Variants in RMND5A observed in about 807,000 individuals in gnomAD.
The protein encoded by RMND5A is E3 ubiquitin-protein transferase RMND5A.
Under a neutral mutation model 49.7 loss-of-function variants are expected in RMND5A, and 17 were observed. The observed-to-expected ratio is 0.34, with a 90% confidence interval of 0.23 to 0.51. The LOEUF (loss-of-function observed/expected upper bound fraction) is 0.51, where lower values mean the gene tolerates loss of function less well. Among genes scored for constraint, RMND5A ranks in the 20% least tolerant of loss-of-function variants. RMND5A has a pLI of 0.96. For missense variants in RMND5A, 255 were observed against 471.3 expected (o/e 0.54, Z 4.25); for synonymous variants, 156 against 167.7 (o/e 0.93, Z 0.54).
At chr2:86,750,041 G>T (rs1220738889) in intron 2 of RMND5A, among the ~76,000 whole-genome samples, 1 of 152,198 alleles carries the variant, frequency 6.6e-6, no homozygotes. Context: ...TTAAGCAGTG[G>T]TTGACTAGGA....
chr2:86,762,402 T>C (rs1167695540), intron 4 of RMND5A, among the ~76,000 whole-genome samples: 1 of 152,160 alleles, frequency 6.6e-6, no homozygotes, highest in African/African-American at 2.4e-5. Flanking sequence ...CCCAGCACTT[T>C]GGGAGGCCAA....
chr2:86,743,761 G>A (rs997366765), intron 2 of RMND5A, among the ~76,000 whole-genome samples: 1 of 152,016 alleles, frequency 6.6e-6, no homozygotes, highest in African/African-American at 2.4e-5. Context: ...CGAGGCAGGC[G>A]GATCACCTGA....
rs1408380877 is a variant in RMND5A at position 86,771,594 on chromosome 2, T to A, written c.994T>A (p.Ser332Thr). The A allele has an allele frequency of 6.2e-7, 1 of 1,613,294 alleles. No homozygotes were observed. The highest frequency in any genetic ancestry group is 1.1e-5 in the South Asian group (1 of 91,032). The change falls in exon 8 of 9, where the codon TCT becomes ACT. Residue 332 changes from serine to threonine, a missense_variant. Transcript: ENST00000283632. ...VDLGKKCWYH[S>T]IFACPILRQQ... Reference sequence around the variant, plus strand: ...CCTTGGTAAAAAGTGCTGGTATCACTCTATATTTGCCTGCCCCATTCTTCG... The same window carrying A: ...CCTTGGTAAAAAGTGCTGGTATCACACTATATTTGCCTGCCCCATTCTTCG...
chr2:86,763,029 G>T (rs1672529660), intron 4 of RMND5A, among the ~76,000 whole-genome samples: 1 of 152,102 alleles, frequency 6.6e-6, no homozygotes, highest in African/African-American at 2.4e-5. Flanking sequence ...GGCAACGAAA[G>T]TGAAACCCTT....
chr2:86,762,648 A>AT (rs1672513713), intron 4 of RMND5A, among the ~76,000 whole-genome samples: 1 of 15,152 alleles, frequency 6.6e-5, no homozygotes, highest in African/African-American at 2.3e-4. Context: ...CTGTCTCAAA[A>AT]AAAAAAAATA....
At chr2:86,732,348 AAAATT>A (rs1558718844) in intron 1 of RMND5A, among the ~76,000 whole-genome samples, 1 of 150,398 alleles carries the variant, frequency 6.6e-6, no homozygotes, top group Non-Finnish European at 1.5e-5. Flanking sequence ...TGGCAGACGG[AAAATT>A]AAAAGTGCAG....
rs756884926 is a variant in RMND5A at position 86,720,659 on chromosome 2, G to C, written c.-9G>C. The stretch of plus-strand genomic sequence containing the variant: ...GGGCGCCGAGGAGCCGAGCGCCGCC[G>C]CCTCCGGCATGGATCAGTGCGTGAC... On this transcript the variant is annotated 5_prime_UTR_variant, in exon 1 of 9. Transcript: ENST00000283632. 2.2e-5 allele frequency: 34 copies of C among 1,539,482 alleles called. No homozygotes were observed. Among genetic ancestry groups the C allele is most frequent in the Non-Finnish European group, 2.8e-5 (32 of 1,146,802 alleles).
chr2:86,745,453 G>A (rs1681522204), intron 2 of RMND5A, among the ~76,000 whole-genome samples: 1 of 152,188 alleles, frequency 6.6e-6, no homozygotes, highest in African/African-American at 2.4e-5. Context: ...AGTGAGATGA[G>A]ATTTTTCCTT....
intron 6 of RMND5A, 123 bp downstream of exon 6, chr2:86,766,147 G>C: frequency 1.2e-6 from 1 of 855,472 alleles, no homozygotes; most frequent in Admixed American, 2.4e-5. Flanking sequence ...GAGTGCAATT[G>C]GTATTTCAAA....
chr2:86,767,505 T>A (rs1188829799), intron 6 of RMND5A, among the ~76,000 whole-genome samples: 1 of 150,090 alleles, frequency 6.7e-6, no homozygotes. Context: ...GGACTCAAAC[T>A]CCTGGGCTCA....
chr2:86,765,801 C>A, intron 5 of RMND5A, 58 bp from the exon 6 acceptor site: 1 of 1,517,382 alleles, frequency 6.6e-7, no homozygotes, highest in Non-Finnish European at 9.0e-7. Context: ...GGTATTCTTG[C>A]TTTTCGCAGC....
chr2:86,746,360 G>A (rs1573434464), intron 2 of RMND5A, among the ~76,000 whole-genome samples: 1 of 152,274 alleles, frequency 6.6e-6, no homozygotes, highest in East Asian at 1.9e-4. Context: ...TGGCAACCTG[G>A]CCCTCAGATT....
chr2:86,773,096 A>G (rs1026082762), intron 8 of RMND5A, among the ~76,000 whole-genome samples: 4 of 152,232 alleles, frequency 2.6e-5, no homozygotes, highest in Non-Finnish European at 5.9e-5. Context: ...AATTTCCAGA[A>G]AAGTTACCTT....
chr2:86,775,604 A>C lies in RMND5A; in HGVS notation c.*2193A>C, dbSNP rs1193141670. 2.6e-5 allele frequency: 4 copies of C among 152,052 alleles called. No homozygotes were observed. Among genetic ancestry groups the C allele is most frequent in the African/African-American group, 9.7e-5 (4 of 41,406 alleles). The allele number at this position is 152,052 out of a possible 1,614,324, so 9.4% of individuals were successfully genotyped here. Reference sequence around the variant, plus strand: ...TGACGGTTTTTTGTGCAGCTCAAGAAAACTTTGAAAAGAACATGCTTTAAC... The same window carrying C: ...TGACGGTTTTTTGTGCAGCTCAAGACAACTTTGAAAAGAACATGCTTTAAC... On this transcript the variant is annotated 3_prime_UTR_variant, in exon 9 of 9. Transcript: ENST00000283632.
At chr2:86,770,821 T>A (rs890166221) in intron 7 of RMND5A, among the ~76,000 whole-genome samples, 1 of 152,172 alleles carries the variant, frequency 6.6e-6, no homozygotes, top group African/African-American at 2.4e-5. Flanking sequence ...GCAGTTATGA[T>A]GTGAAGTGGC....
chr2:86,743,448 T>C (rs1681484467), intron 2 of RMND5A, among the ~76,000 whole-genome samples: 2 of 150,036 alleles, frequency 1.3e-5, no homozygotes, highest in Admixed American at 1.3e-4. Context: ...ATTGGGGTGT[T>C]TTTGGTTTTT....
chr2:86,759,612 G>GCCCCCC (rs144501224), intron 4 of RMND5A, among the ~76,000 whole-genome samples: 11 of 146,130 alleles, frequency 7.5e-5, no homozygotes, highest in Admixed American at 1.4e-4. Flanking sequence ...TAGTTTGCTT[G>GCCCCCC]CCCCCCCGCC....
At chr2:86,721,936 A>G (rs1489686390) in intron 1 of RMND5A, among the ~76,000 whole-genome samples, 2 of 127,102 alleles carry the variant, frequency 1.6e-5, no homozygotes, top group South Asian at 2.8e-4. Context: ...GTGCTGGTCC[A>G]TGGGAAAGGA....
intron 2 of RMND5A, among the ~76,000 whole-genome samples, chr2:86,743,266 A>G (rs907391585): frequency 6.6e-6 from 1 of 152,126 alleles, no homozygotes; most frequent in Non-Finnish European, 1.5e-5. Context: ...CACATTTATA[A>G]TGAATAATCT....
Sources: allele counts gnomAD v4.1 joint callset (sites outside exome capture counted in the v4.1 genomes callset), GRCh38; gene constraint gnomAD v4.1.1; transcripts MANE v1.5; gene names NCBI Gene and HGNC (gene_info 2026-07-23, HGNC 2026-07-21).